B9D2: variants seen among roughly 807,000 people sequenced by gnomAD.
B9D2 encodes the protein B9 domain containing 2.
B9D2 carries 21 observed loss-of-function variants against 19.2 expected under a neutral mutation model. That is an observed-to-expected ratio of 1.09 (90% CI 0.78 to 1.58). The LOEUF is 1.58. Among genes scored for constraint, B9D2 ranks in the 40% most tolerant of loss-of-function variants. The probability of loss-of-function intolerance (pLI) is 0.00; values close to 1 mark genes in which losing one functional copy is unlikely to be tolerated. For missense variants in B9D2, 221 were observed against 244.3 expected, an observed-to-expected ratio of 0.90 and a Z score of 0.64; for synonymous variants, 91 against 100.6, an observed-to-expected ratio of 0.90 and a Z score of 0.57.
At chr19:41,356,440 A>G (rs1241649215) in intron 3 of B9D2, among the ~76,000 whole-genome samples, 3 of 152,130 alleles carry the variant, frequency 2.0e-5, no homozygotes, top group Non-Finnish European at 4.4e-5. Flanking sequence ...CCACTGGGGG[A>G]CTGGAGGCCC....
At chr19:41,357,813 T>C in intron 3 of B9D2, 84 bp downstream of exon 3, 1 of 1,579,106 alleles carries the variant, frequency 6.3e-7, no homozygotes, top group Non-Finnish European at 8.7e-7. Context: ...CAGGGACAGG[T>C]CTTGGTGTTC....
At position 41,355,026 on chromosome 19, in the gene B9D2, A is replaced by G. The variant is rs2038289321; in HGVS notation, c.215-13T>C. ...AGCCGGGGCCAGCCTGCAGGAAAGG[A>G]GAGAGAGGGGAAAGGAGGGATGGGT... On this transcript the variant is annotated splice_polypyrimidine_tract_variant and intron_variant, in intron 3 of 3. Transcript: ENST00000243578. 2 of 1,573,062 alleles carry G rather than the reference A, an allele frequency of 1.3e-6. No homozygotes were observed. Among genetic ancestry groups the G allele is most frequent in the Non-Finnish European group, 1.7e-6 (2 of 1,157,396 alleles).
At chr19:41,362,126 G>A (rs1363654923) in intron 2 of B9D2, among the ~76,000 whole-genome samples, 3 of 147,676 alleles carry the variant, frequency 2.0e-5, no homozygotes, top group South Asian at 2.2e-4. Context: ...GCTCACGCCT[G>A]TAATCCCAGC....
At position 41,356,681 on chromosome 19, in the gene B9D2, TAA is replaced by T. The variant is rs377417750; in HGVS notation, c.214+1214_214+1215del. On this transcript the variant is annotated intron_variant, in intron 3 of 3. Transcript: ENST00000243578. ...CACCTTGGTGAAACGCCATCTCTAT[TAA>T]AAAAAAAAAAGGCAAAAATTAGCCA... 3.5e-5 allele frequency among the ~76,000 whole-genome samples: 5 copies of T among 142,786 alleles called. No homozygotes were observed. The East Asian group carries it at 1.0e-3, about 29-fold the overall frequency. 93.7% of individuals were successfully genotyped at this position (142,786 alleles called of 152,430 possible). A position where few individuals can be genotyped will look rare whatever the true frequency, so the allele number is the denominator to read the frequency against.
At chr19:41,356,586 G>A (rs745795988) in intron 3 of B9D2, among the ~76,000 whole-genome samples, 73 of 152,022 alleles carry the variant, frequency 4.8e-4, no homozygotes, top group Non-Finnish European at 3.2e-4. Flanking sequence ...GCTCATGCCT[G>A]TAATCCCAGC....
Position 41,354,613 on chromosome 19 carries a change from G to C in B9D2, c.*87C>G. The C allele has an allele frequency of 6.5e-7, 1 of 1,542,278 alleles. No individual in the cohort carries two copies. Among genetic ancestry groups the C allele is most frequent in the South Asian group, 1.1e-5 (1 of 88,102 alleles). On this transcript the variant is annotated 3_prime_UTR_variant, in exon 4 of 4. Transcript: ENST00000243578. ...CTGGGGTCAGCTCTGACAGTCTCTAGAGTCTGTGCTCTTGACCACTGTGCC... is the reference window on the plus strand; with the variant it reads ...CTGGGGTCAGCTCTGACAGTCTCTACAGTCTGTGCTCTTGACCACTGTGCC...
intron 3 of B9D2, 143 bp from the exon 4 acceptor site, chr19:41,355,156 T>C: frequency 1.2e-6 from 1 of 852,488 alleles, no homozygotes; most frequent in Non-Finnish European, 1.8e-6. Context: ...CAACCCAGCC[T>C]CCTTTCTAGG....
chr19:41,355,523 T>C (rs2038299323), intron 3 of B9D2, among the ~76,000 whole-genome samples: 2 of 152,148 alleles, frequency 1.3e-5, no homozygotes, highest in Non-Finnish European at 2.9e-5. Flanking sequence ...GGAAGCATCT[T>C]TCTCTCCTTC....
chr19:41,363,835 C>A, intron 1 of B9D2, 123 bp downstream of exon 1: 1 of 537,296 alleles, frequency 1.9e-6, no homozygotes, highest in East Asian at 3.3e-5. Context: ...GCAAAAGACC[C>A]GCCTTCCGCG....
intron 2 of B9D2, chr19:41,361,261 C>A (rs1350519133): frequency 6.6e-6 from 1 of 152,204 alleles, no homozygotes; most frequent in Non-Finnish European, 1.5e-5. Flanking sequence ...TTGAGGGAAG[C>A]ACCAGGCCCT....
intron 2 of B9D2, among the ~76,000 whole-genome samples, chr19:41,359,997 A>G (rs982233046): frequency 1.3e-5 from 2 of 152,024 alleles, no homozygotes; most frequent in Non-Finnish European, 2.9e-5. Flanking sequence ...CTGCCTAGAA[A>G]GCTCTGCTCC....
Position 41,357,942 on chromosome 19 carries a change from A to C in B9D2, c.169T>G (p.Trp57Gly). Residue 57 changes from tryptophan (W) to glycine (G), a missense_variant, in exon 3 of 4, where the codon TGG (tryptophan) becomes GGG (glycine). Physicochemically the swap from Trp to Gly is radical, Grantham distance 184. Transcript: ENST00000243578. ...DTPQIGDMAY[W>G]SHPIDLHFAT... ...AAGTGCAGGTCGATGGGGTGGGACCAGTAAGCCATGTCCCCTATCTGCGGG... is the reference window on the plus strand; with the variant it reads ...AAGTGCAGGTCGATGGGGTGGGACCCGTAAGCCATGTCCCCTATCTGCGGG... 1 of 1,614,110 alleles carries C rather than the reference A, an allele frequency of 6.2e-7. No homozygotes were observed. The highest frequency in any genetic ancestry group is 1.1e-5 in the South Asian group (1 of 91,084).
At chr19:41,358,753 C>G (rs1392745761) in intron 2 of B9D2, among the ~76,000 whole-genome samples, 13 of 152,144 alleles carry the variant, frequency 8.5e-5, no homozygotes, top group Admixed American at 8.5e-4. Flanking sequence ...CACCTGTAAT[C>G]TCAGCACTTT....
chr19:41,358,021 C>T lies in B9D2; in HGVS notation c.90G>A (p.Gly30=), dbSNP rs1359347202. Residue 30 remains glycine, a splice_region_variant and synonymous_variant, in exon 3 of 4, where the codon GGG becomes GGA. Coordinates refer to ENST00000243578, the MANE Select transcript of B9D2 (RefSeq NM_030578.4). ...CGCCTGACAGGAGCTTCCATGCCGC[C>T]CCTGCAGTGAGAGCCGGGACATAGA... ...SLFCKWGIHT[G]AAWKLLSGVR... 3.1e-6 allele frequency: 5 copies of T among 1,614,088 alleles called. No individual in the cohort carries two copies. Among genetic ancestry groups the T allele is most frequent in the Admixed American group, 3.3e-5 (2 of 60,016 alleles).
Position 41,364,016 on chromosome 19 carries a change from G to C in B9D2, c.-63C>G, listed in dbSNP as rs1599913817. The C allele has an allele frequency of 5.4e-6, 1 of 186,536 alleles. No individual in the cohort carries two copies. The highest frequency in any genetic ancestry group is 5.4e-5 in the Admixed American group (1 of 18,434). 11.6% of individuals were successfully genotyped at this position (186,536 alleles called of 1,614,324 possible). A position where few individuals can be genotyped will look rare whatever the true frequency, so the allele number is the denominator to read the frequency against. On this transcript the variant is annotated 5_prime_UTR_variant, in exon 1 of 4. Coordinates refer to ENST00000243578, the MANE Select transcript of B9D2 (RefSeq NM_030578.4). ...CGGCAACCGGGGTTGTAGTTCATGG[G>C]CTTGACTGCTTCTTTTCTCCGCGGG...
chr19:41,354,662 C>T lies in B9D2; in HGVS notation c.*38G>A, dbSNP rs768917784. ...CCATCCTCCCCCATCACTGGGTGTC[C>T]GGGGTGTGGATGGTGGTGACGTTGG... On this transcript the variant is annotated 3_prime_UTR_variant, in exon 4 of 4. Coordinates refer to ENST00000243578, the MANE Select transcript of B9D2 (RefSeq NM_030578.4). The T allele has an allele frequency of 2.5e-5, 40 of 1,611,010 alleles. No homozygotes were observed. The highest frequency in any genetic ancestry group is 1.7e-4 in the Middle Eastern group (1 of 6,046).
In B9D2 at chr19:41,354,531, C is replaced by T. The variant is rs1475377255; in HGVS notation, c.*169G>A. On this transcript the variant is annotated 3_prime_UTR_variant, in exon 4 of 4. Coordinates refer to ENST00000243578, the MANE Select transcript of B9D2 (RefSeq NM_030578.4). ...TGTCCCCAATTTACAGATAGGGAAA[C>T]TGGGCCCAGAGGGACCCCGAGGTCC... is the stretch of plus-strand genomic sequence containing the variant. 5 of 844,880 alleles carry T rather than the reference C, an allele frequency of 5.9e-6. No individual in the cohort carries two copies. The highest frequency in any genetic ancestry group is 7.5e-6 in the Non-Finnish European group (4 of 531,060). 52.3% of individuals were successfully genotyped at this position (844,880 alleles called of 1,614,324 possible).
At chr19:41,356,317 C>T (rs902013817) in intron 3 of B9D2, among the ~76,000 whole-genome samples, 1 of 151,824 alleles carries the variant, frequency 6.6e-6, no homozygotes, top group Non-Finnish European at 1.5e-5. Context: ...AGGTGCTGGG[C>T]GAGAAAAGGG....
chr19:41,359,770 G>A (rs1430125071), intron 2 of B9D2, among the ~76,000 whole-genome samples: 1 of 152,004 alleles, frequency 6.6e-6, no homozygotes, highest in Non-Finnish European at 1.5e-5. Flanking sequence ...GCTATGCTAA[G>A]TACTTTAAGC....
Sources: gnomAD v4.1 joint callset for allele counts (sites outside exome capture counted in the v4.1 genomes callset) on GRCh38, gnomAD v4.1.1 for gene constraint, MANE v1.5 for transcripts, NCBI Gene and HGNC (gene_info 2026-07-23, HGNC 2026-07-21) for gene names.